Variants in CADPS2 observed in about 807,000 individuals in gnomAD.
CADPS2 encodes calcium-dependent secretion activator 2.
CADPS2 carries 93 observed loss-of-function variants against 172.5 expected under a neutral mutation model. The ratio of observed to expected loss-of-function variants is 0.54; its 90% CI spans 0.46 to 0.64. The LOEUF is 0.64. Among genes scored for constraint, CADPS2 ranks in the 30% least tolerant of loss-of-function variants. The pLI is 0.00. For missense variants in CADPS2, 1,420 were observed against 1,565.9 expected, an observed-to-expected ratio of 0.91 and a Z score of 1.57; for synonymous variants, 546 against 555.2, an observed-to-expected ratio of 0.98 and a Z score of 0.23.
chr7:122,634,748 G>C (rs916282723), intron 3 of CADPS2, among the ~76,000 whole-genome samples: 1 of 152,086 alleles, frequency 6.6e-6, no homozygotes, highest in Admixed American at 6.6e-5. Flanking sequence ...TTGTTAGATC[G>C]TTAATTTGAG....
chr7:122,326,668 C>A (rs1000690288), intron 28 of CADPS2, among the ~76,000 whole-genome samples: 4 of 151,444 alleles, frequency 2.6e-5, no homozygotes, highest in Admixed American at 6.6e-5. Context: ...AATTTAAACA[C>A]CGAAAAAAAA....
intron 25 of CADPS2, among the ~76,000 whole-genome samples, chr7:122,373,595 G>A (rs147391780): frequency 1.9e-3 from 290 of 152,136 alleles, no homozygotes; most frequent in African/African-American, 6.6e-3. Context: ...GAAGTCAATC[G>A]GTAAATAGTG....
chr7:122,749,558 A>G (rs1287604740), intron 1 of CADPS2, among the ~76,000 whole-genome samples: 2 of 152,268 alleles, frequency 1.3e-5, no homozygotes, highest in East Asian at 3.9e-4. Flanking sequence ...ACCCACTTTA[A>G]AATAATACAT....
intron 15 of CADPS2, among the ~76,000 whole-genome samples, chr7:122,445,110 T>A (rs2051978572): frequency 6.6e-6 from 1 of 152,232 alleles, no homozygotes; most frequent in Admixed American, 6.5e-5. Context: ...CTATCTTGAT[T>A]ACTGTAGCAT....
intron 1 of CADPS2, among the ~76,000 whole-genome samples, chr7:122,753,684 T>C (rs1339237736): frequency 1.3e-5 from 2 of 152,198 alleles, no homozygotes; most frequent in Non-Finnish European, 2.9e-5. Flanking sequence ...TCTTGGTTTG[T>C]AAAACAGTAC....
intron 8 of CADPS2, among the ~76,000 whole-genome samples, chr7:122,540,965 A>G (rs1264624255): frequency 4.6e-5 from 7 of 151,906 alleles, no homozygotes; most frequent in Non-Finnish European, 8.8e-5. Flanking sequence ...TACGGTCTGA[A>G]CACTATAAAT....
At chr7:122,372,573 G>A (rs956101709) in intron 25 of CADPS2, among the ~76,000 whole-genome samples, 4 of 152,232 alleles carry the variant, frequency 2.6e-5, no homozygotes, top group South Asian at 2.1e-4. Flanking sequence ...AAAGAAGAAA[G>A]TGCAGTTTAT....
chr7:122,701,871 TC>T, intron 2 of CADPS2: 1 of 1,612,846 alleles, frequency 6.2e-7, no homozygotes, highest in Non-Finnish European at 8.5e-7. Context: ...ATGGGACATG[TC>T]CTATGGGCTA....
At chr7:122,860,407 T>C (rs1232293708) in intron 1 of CADPS2, among the ~76,000 whole-genome samples, 1 of 152,126 alleles carries the variant, frequency 6.6e-6, no homozygotes, top group Admixed American at 6.6e-5. Flanking sequence ...TTTTACTTTT[T>C]ATCTTTTTGT....
chr7:122,666,484 C>T (rs950851879), intron 2 of CADPS2, among the ~76,000 whole-genome samples: 8 of 152,064 alleles, frequency 5.3e-5, no homozygotes, highest in Admixed American at 2.0e-4. Context: ...GCTGGGACTA[C>T]TGGCACGTGC....
intron 1 of CADPS2, among the ~76,000 whole-genome samples, chr7:122,861,049 G>A (rs1222957651): frequency 6.6e-6 from 1 of 152,186 alleles, no homozygotes; most frequent in Non-Finnish European, 1.5e-5. Flanking sequence ...ATTGTGTACA[G>A]TACTGTAGTA....
At chr7:122,878,421 G>C (rs564196220) in intron 1 of CADPS2, among the ~76,000 whole-genome samples, 1 of 152,066 alleles carries the variant, frequency 6.6e-6, no homozygotes, top group African/African-American at 2.4e-5. Context: ...GGGAGGCCGA[G>C]GTGGGCGGAT....
At chr7:122,491,466 C>T in intron 9 of CADPS2, 46 bp from the exon 10 acceptor site, 1 of 1,023,756 alleles carries the variant, frequency 9.8e-7, no homozygotes, top group Middle Eastern at 2.1e-4. Flanking sequence ...ATTAAATTTA[C>T]CAAATTTAAC....
intron 27 of CADPS2, among the ~76,000 whole-genome samples, chr7:122,348,737 T>G (rs956477873): frequency 6.6e-6 from 1 of 152,182 alleles, no homozygotes; most frequent in East Asian, 1.9e-4. Flanking sequence ...TAAAAGAATA[T>G]ACACAAGTAA....
intron 1 of CADPS2, among the ~76,000 whole-genome samples, chr7:122,828,118 T>C (rs1358618111): frequency 6.6e-6 from 1 of 152,228 alleles, no homozygotes; most frequent in East Asian, 1.9e-4. Context: ...AGGATCATCA[T>C]GTCTCTGTGG....
intron 1 of CADPS2, chr7:122,850,370 G>C: frequency 2.7e-6 from 1 of 363,924 alleles, no homozygotes; most frequent in East Asian, 5.3e-5. Flanking sequence ...CTAGGGGGGT[G>C]ACACCTTCCC....
At chr7:122,682,959 C>G (rs889171979) in intron 2 of CADPS2, among the ~76,000 whole-genome samples, 2 of 152,314 alleles carry the variant, frequency 1.3e-5, no homozygotes, top group Admixed American at 1.3e-4. Context: ...CTGGAACAAA[C>G]GATTGCTGGA....
intron 2 of CADPS2, among the ~76,000 whole-genome samples, chr7:122,693,941 G>A (rs2084739460): frequency 6.6e-6 from 1 of 152,214 alleles, no homozygotes; most frequent in Non-Finnish European, 1.5e-5. Context: ...TCCAGCCTGG[G>A]TGACAGAGGA....
chr7:122,708,319 T>C lies in CADPS2; in HGVS notation c.453+28636A>G, dbSNP rs746313888. ...GTATTCTATCCAGTAATATTCCTTA[T>C]GCAAAATTGTATCTACTGAGTTTTA... is the stretch of plus-strand genomic sequence containing the variant. On this transcript the variant is annotated intron_variant, in intron 2 of 29. Coordinates refer to ENST00000449022, the MANE Select transcript of CADPS2 (RefSeq NM_017954.11). 7.3e-5 allele frequency among the ~76,000 whole-genome samples: 11 copies of C among 151,648 alleles called. 1 individual carries two copies. Among genetic ancestry groups the C allele is most frequent in the South Asian group, 4.2e-4 (2 of 4,816 alleles).
Sources: gnomAD v4.1 joint callset for allele counts (sites outside exome capture counted in the v4.1 genomes callset) on GRCh38, gnomAD v4.1.1 for gene constraint, MANE v1.5 for transcripts, NCBI Gene and HGNC (gene_info 2026-07-23, HGNC 2026-07-21) for gene names.